Variants in UBE2N observed in about 807,000 individuals in gnomAD.
The protein encoded by UBE2N is ubiquitin-conjugating enzyme E2 N.
For synonymous variants in UBE2N, 70 were observed against 69.2 expected (o/e 1.01, Z -0.06); for missense variants, 60 against 192.1 (o/e 0.31, Z 4.07).
intron 1 of UBE2N, among the ~76,000 whole-genome samples, chr12:93,427,485 A>G (rs1420871403): frequency 6.6e-6 from 1 of 152,254 alleles, no homozygotes; most frequent in African/African-American, 2.4e-5. Flanking sequence ...ATGCTAAATG[A>G]AAGAAGCCAG....
intron 1 of UBE2N, among the ~76,000 whole-genome samples, chr12:93,425,383 C>T (rs908260429): frequency 3.3e-5 from 5 of 152,154 alleles, no homozygotes; most frequent in Non-Finnish European, 7.3e-5. Flanking sequence ...TCTTGAAAGT[C>T]AATTGTCAAT....
At chr12:93,434,598 G>A (rs530241268) in intron 1 of UBE2N, among the ~76,000 whole-genome samples, 1 of 152,256 alleles carries the variant, frequency 6.6e-6, no homozygotes, top group African/African-American at 2.4e-5. Flanking sequence ...AGTATCTTTA[G>A]AGCCTGAAAG....
intron 1 of UBE2N, among the ~76,000 whole-genome samples, chr12:93,426,315 T>C (rs17021226): frequency 0.012 from 1,812 of 148,470 alleles, 30 homozygotes; most frequent in Non-Finnish European, 0.015. Flanking sequence ...CGACAATACA[T>C]TCAAAGAACA....
chr12:93,415,518 A>G (rs903382080), intron 1 of UBE2N, among the ~76,000 whole-genome samples: 4 of 152,246 alleles, frequency 2.6e-5, no homozygotes, highest in African/African-American at 9.6e-5. Context: ...TCAAGAGGCA[A>G]TAATGAAGCC....
chr12:93,409,838 C>T lies in UBE2N; in HGVS notation c.*201G>A, dbSNP rs1262481605. 1 of 598,454 alleles carries T rather than the reference C, an allele frequency of 1.7e-6. No homozygotes were observed. The highest frequency in any genetic ancestry group is 1.9e-5 in the African/African-American group (1 of 51,762). 37.1% of individuals were successfully genotyped at this position (598,454 alleles called of 1,614,324 possible). A position where few individuals can be genotyped will look rare whatever the true frequency, so the allele number is the denominator to read the frequency against. On this transcript the variant is annotated 3_prime_UTR_variant, in exon 4 of 4. Coordinates refer to ENST00000318066, the MANE Select transcript of UBE2N (RefSeq NM_003348.4). ...TTTCACAACAATCCAGATGATACTTCTAGCCTCTGCTCATGCTTTATGACA... is the reference window on the plus strand; with the variant it reads ...TTTCACAACAATCCAGATGATACTTTTAGCCTCTGCTCATGCTTTATGACA...
chr12:93,417,566 C>A (rs562268703), intron 1 of UBE2N, among the ~76,000 whole-genome samples: 1 of 152,300 alleles, frequency 6.6e-6, no homozygotes, highest in South Asian at 2.1e-4. Context: ...ATCCTGTCTA[C>A]AGTGATTAGG....
chr12:93,419,497 T>A (rs1878337963), intron 1 of UBE2N, among the ~76,000 whole-genome samples: 1 of 151,858 alleles, frequency 6.6e-6, no homozygotes, highest in African/African-American at 2.4e-5. Context: ...TTGAAAAAAA[T>A]TTATGGCAAT....
intron 1 of UBE2N, among the ~76,000 whole-genome samples, chr12:93,437,883 G>A (rs1487233382): frequency 2.0e-5 from 3 of 152,230 alleles, no homozygotes; most frequent in South Asian, 2.1e-4. Context: ...ATCCTTCAGA[G>A]CCTTTCAAAT....
chr12:93,441,688 C>G (rs762440781), intron 1 of UBE2N, among the ~76,000 whole-genome samples, 167 bp downstream of exon 1: 1 of 152,042 alleles, frequency 6.6e-6, no homozygotes, highest in African/African-American at 2.4e-5. Context: ...CCCCGGCGCC[C>G]CCTCCTCAGC....
At chr12:93,419,481 T>C (rs1309926891) in intron 1 of UBE2N, among the ~76,000 whole-genome samples, 1 of 152,082 alleles carries the variant, frequency 6.6e-6, no homozygotes, top group African/African-American at 2.4e-5. Flanking sequence ...ACTCACAAGA[T>C]TGTGTTTGAA....
At position 93,406,275 on chromosome 12, in the gene UBE2N, C is replaced by CAAAAAAAAAAAAAAAAAAAAAAAAAA. The variant is rs58309798; in HGVS notation, c.*3738_*3763dup. The CAAAAAAAAAAAAAAAAAAAAAAAAAA allele has an allele frequency of 1.8e-4, 7 of 37,998 alleles. 1 individual carries two copies. Among genetic ancestry groups the CAAAAAAAAAAAAAAAAAAAAAAAAAA allele is most frequent in the Non-Finnish European group, 2.5e-4 (5 of 20,268 alleles). 2.4% of individuals were successfully genotyped at this position (37,998 alleles called of 1,614,324 possible). A position where few individuals can be genotyped will look rare whatever the true frequency, so the allele number is the denominator to read the frequency against. The stretch of plus-strand genomic sequence containing the variant: ...AGAGCTAGAAAGTGGCTAGAGCAGC[C>CAAAAAAAAAAAAAAAAAAAAAAAAAA]AAAAAAAAAAAAAAAAAAAAAAAAA... On this transcript the variant is annotated 3_prime_UTR_variant, in exon 4 of 4. Transcript: ENST00000318066.
intron 1 of UBE2N, among the ~76,000 whole-genome samples, chr12:93,437,692 G>A (rs1347039433): frequency 2.6e-5 from 4 of 151,852 alleles, no homozygotes; most frequent in Admixed American, 2.6e-4. Context: ...AAGAGACTGA[G>A]GCAGGAGAAT....
intron 1 of UBE2N, among the ~76,000 whole-genome samples, chr12:93,426,372 A>G (rs908674483): frequency 7.2e-6 from 1 of 139,654 alleles, no homozygotes; most frequent in Non-Finnish European, 1.5e-5. Flanking sequence ...CAGCAATGTT[A>G]TTATGTGAAA....
At chr12:93,436,101 T>C (rs531623330) in intron 1 of UBE2N, among the ~76,000 whole-genome samples, 5 of 152,114 alleles carry the variant, frequency 3.3e-5, no homozygotes, top group Admixed American at 6.6e-5. Flanking sequence ...ATTTTCATTA[T>C]TATCATTATT....
intron 1 of UBE2N, among the ~76,000 whole-genome samples, chr12:93,414,546 C>T (rs1393923784): frequency 3.3e-5 from 5 of 151,576 alleles, no homozygotes; most frequent in Admixed American, 2.0e-4. Flanking sequence ...TCTGACTTAT[C>T]TTCAGCTGTT....
chr12:93,423,668 C>T (rs934425647), intron 1 of UBE2N, among the ~76,000 whole-genome samples: 2 of 152,208 alleles, frequency 1.3e-5, no homozygotes, highest in African/African-American at 4.8e-5. Context: ...AATCATTTAC[C>T]TCTCCAGCCT....
chr12:93,431,385 T>A (rs566674031), intron 1 of UBE2N, among the ~76,000 whole-genome samples: 1 of 152,242 alleles, frequency 6.6e-6, no homozygotes, highest in Non-Finnish European at 1.5e-5. Flanking sequence ...GGAATAGACA[T>A]GTTCTTCAGT....
At chr12:93,413,185 G>A (rs965796262) in intron 1 of UBE2N, among the ~76,000 whole-genome samples, 1 of 152,212 alleles carries the variant, frequency 6.6e-6, no homozygotes, top group Non-Finnish European at 1.5e-5. Flanking sequence ...ACCTAAATGC[G>A]ACATCTTATC....
At chr12:93,433,276 G>A (rs1029402676) in intron 1 of UBE2N, among the ~76,000 whole-genome samples, 5 of 152,024 alleles carry the variant, frequency 3.3e-5, no homozygotes, top group African/African-American at 1.2e-4. Context: ...GTGTCATGTA[G>A]CCCTTGAAAG....
Sources: gnomAD v4.1 joint callset for allele counts (sites outside exome capture counted in the v4.1 genomes callset) on GRCh38, gnomAD v4.1.1 for gene constraint, MANE v1.5 for transcripts, NCBI Gene and HGNC (gene_info 2026-07-23, HGNC 2026-07-21) for gene names.